The following WDPCP variants were observed in gnomAD, a reference collection of about 807,000 sequenced individuals.
WDPCP encodes WD repeat containing planar cell polarity effector.
In WDPCP, 71 loss-of-function variants were observed where a neutral mutation model predicts 93.1. The observed-to-expected ratio is 0.76, with a 90% confidence interval of 0.63 to 0.93. The LOEUF (loss-of-function observed/expected upper bound fraction) is 0.93. Ranked by LOEUF, WDPCP falls within the 40% of genes least tolerant of loss-of-function variation. The pLI, the probability that WDPCP is intolerant of heterozygous loss-of-function variation, is 0.00. For synonymous variants in WDPCP, 315 were observed against 315.0 expected (o/e 1.00, Z 0.00); for missense variants, 844 against 887.4 (o/e 0.95, Z 0.62).
intron 2 of WDPCP, among the ~76,000 whole-genome samples, chr2:63,719,861 A>G (rs1450393921): frequency 6.6e-6 from 1 of 152,180 alleles, no homozygotes; most frequent in Non-Finnish European, 1.5e-5. Flanking sequence ...AGCCTTAGAA[A>G]TTAGCCTTTC....
At chr2:63,684,286 C>T in intron 2 of WDPCP, 6 of 576,172 alleles carry the variant, frequency 1.0e-5, no homozygotes, top group South Asian at 9.9e-5. Context: ...TTGCTGTAGG[C>T]CCAAGTGGTT....
At chr2:63,763,707 A>T (rs1670095836) in intron 2 of WDPCP, among the ~76,000 whole-genome samples, 1 of 152,200 alleles carries the variant, frequency 6.6e-6, no homozygotes, top group South Asian at 2.1e-4. Context: ...AAATATACCT[A>T]AAAAGGATAT....
intron 2 of WDPCP, among the ~76,000 whole-genome samples, chr2:63,659,685 C>A (rs1264025474): frequency 2.6e-5 from 4 of 152,180 alleles, no homozygotes; most frequent in Non-Finnish European, 5.9e-5. Context: ...GAATGCATTT[C>A]TGTTGTTTTA....
the WDPCP span, among the ~76,000 whole-genome samples, chr2:63,835,306 C>G: frequency 6.9e-6 from 1 of 145,698 alleles, no homozygotes; most frequent in Non-Finnish European, 1.5e-5. Flanking sequence ...AGGAGAATTG[C>G]TTGAACCTGG....
At chr2:63,619,756 G>T (rs2106633875) in intron 3 of WDPCP, among the ~76,000 whole-genome samples, 1 of 152,314 alleles carries the variant, frequency 6.6e-6, no homozygotes, top group East Asian at 1.9e-4. Context: ...GAACAGCTCT[G>T]GTCTGCAGCT....
chr2:63,444,471 T>G (rs1030995555), intron 6 of WDPCP, among the ~76,000 whole-genome samples: 1 of 152,146 alleles, frequency 6.6e-6, no homozygotes, highest in Admixed American at 6.6e-5. Flanking sequence ...GAAAGTGCTA[T>G]TCTCACCTCT....
At chr2:63,513,090 G>A (rs1242941839) in intron 1 of WDPCP, among the ~76,000 whole-genome samples, 1 of 152,076 alleles carries the variant, frequency 6.6e-6, no homozygotes, top group Non-Finnish European at 1.5e-5. Flanking sequence ...AAAATTTACA[G>A]AGTAATAGAG....
Position 63,649,028 on chromosome 2 carries a change from A to C in WDPCP, n.488+1631T>G, listed in dbSNP as rs112197118. Among the ~76,000 whole-genome samples the C allele has an allele frequency of 5.0e-4, 76 of 152,216 alleles. 1 individual carries two copies. Among genetic ancestry groups the C allele is most frequent in the Non-Finnish European group, 1.2e-4 (8 of 68,042 alleles). On this transcript the variant is annotated intron_variant and non_coding_transcript_variant, in intron 3 of 4. Transcript: ENST00000467687. ...ACTTTTTTTTCTTTGATAGCATTTAAAAATTGAGATATATACTTCATATAA... is the reference window on the plus strand; with the variant it reads ...ACTTTTTTTTCTTTGATAGCATTTACAAATTGAGATATATACTTCATATAA...
chr2:63,393,391 G>A (rs542717849), intron 10 of WDPCP, among the ~76,000 whole-genome samples: 36 of 152,150 alleles, frequency 2.4e-4, no homozygotes, highest in East Asian at 2.3e-3. Context: ...GTCAGCGGGT[G>A]GGGGGCTAGG....
intron 1 of WDPCP, among the ~76,000 whole-genome samples, chr2:63,567,439 A>G (rs1200538432): frequency 6.6e-6 from 1 of 152,158 alleles, no homozygotes; most frequent in East Asian, 1.9e-4. Context: ...TTCCCATTAT[A>G]TCACACTCTC....
chr2:63,627,350 T>C (rs1299285956), intron 3 of WDPCP, among the ~76,000 whole-genome samples: 1 of 152,216 alleles, frequency 6.6e-6, no homozygotes, highest in Non-Finnish European at 1.5e-5. Context: ...GAAACTTCTT[T>C]TCGTTCTTTA....
At chr2:63,643,109 T>C (rs963514421) in intron 3 of WDPCP, 4 of 157,754 alleles carry the variant, frequency 2.5e-5, no homozygotes, top group Non-Finnish European at 5.6e-5. Flanking sequence ...TTTCATTCTG[T>C]TGGTATGATG....
At chr2:63,481,603 G>A (rs1700269479) in intron 6 of WDPCP, among the ~76,000 whole-genome samples, 1 of 151,972 alleles carries the variant, frequency 6.6e-6, no homozygotes, top group Admixed American at 6.6e-5. Context: ...AATTTAGATG[G>A]AATTGCAGAC....
chr2:63,518,808 C>G (rs537024714), intron 1 of WDPCP: 1 of 152,214 alleles, frequency 6.6e-6, no homozygotes, highest in South Asian at 2.1e-4. Flanking sequence ...CACGTGGGCT[C>G]GCATCATAGC....
chr2:63,216,638 A>G (rs1035278691), intron 14 of WDPCP, among the ~76,000 whole-genome samples: 4 of 152,080 alleles, frequency 2.6e-5, no homozygotes, highest in Non-Finnish European at 5.9e-5. Context: ...CAGCACACCA[A>G]CATGGCACAT....
chr2:63,125,717 C>T (rs2153396170), intron 17 of WDPCP, among the ~76,000 whole-genome samples: 1 of 152,102 alleles, frequency 6.6e-6, no homozygotes, highest in East Asian at 1.9e-4. Context: ...AAGCAGTTCT[C>T]CCTGCCTCAG....
chr2:63,442,631 T>C (rs1697576643), intron 6 of WDPCP: 2 of 152,188 alleles, frequency 1.3e-5, no homozygotes, highest in Non-Finnish European at 2.9e-5. Context: ...TTACAATTAG[T>C]AAAAAATGCA....
At chr2:63,627,614 T>G in intron 3 of WDPCP, among the ~76,000 whole-genome samples, 1 of 150,758 alleles carries the variant, frequency 6.6e-6, no homozygotes, top group Non-Finnish European at 1.5e-5. Flanking sequence ...AGAGAAGGAG[T>G]AGTTGAACAT....
chr2:63,293,402 C>T (rs376378113), intron 13 of WDPCP, among the ~76,000 whole-genome samples: 5 of 151,998 alleles, frequency 3.3e-5, no homozygotes, highest in Non-Finnish European at 7.4e-5. Flanking sequence ...AAACAGCAAA[C>T]CCTGGAGAAG....
Sources: gnomAD v4.1 joint callset for allele counts (sites outside exome capture counted in the v4.1 genomes callset) on GRCh38, gnomAD v4.1.1 for gene constraint, MANE v1.5 for transcripts, NCBI Gene and HGNC (gene_info 2026-07-23, HGNC 2026-07-21) for gene names.